Variants in GPR27 observed in about 807,000 individuals in gnomAD.
The protein encoded by GPR27 is G protein-coupled receptor 27.
Under a neutral mutation model 2.4 loss-of-function variants are expected in GPR27, and 3 were observed. The ratio of observed to expected loss-of-function variants is 1.23; its 90% CI spans 0.56 to 3.18. The LOEUF (loss-of-function observed/expected upper bound fraction) is 3.18. Among genes scored for constraint, GPR27 ranks in the 30% most tolerant of loss-of-function variants. GPR27 has a pLI of 0.03. For missense variants in GPR27, 526 were observed against 566.1 expected (o/e 0.93, Z 0.72); for synonymous variants, 367 against 296.4 (o/e 1.24, Z -2.45).
Position 71,754,666 on chromosome 3 carries a change from T to A in GPR27, c.617T>A (p.Phe206Tyr), listed in dbSNP as rs753034149. 2.7e-6 allele frequency: 4 copies of A among 1,501,134 alleles called. No homozygotes were observed. In the South Asian group the frequency reaches 4.8e-5, roughly 18 times the overall value. 93.0% of individuals were successfully genotyped at this position (1,501,134 alleles called of 1,614,324 possible). ...ATHLVYLRLL[F>Y]FIHDRRKMRP... is the part of the protein sequence containing the mutation. ...CACCTCGTCTACCTCCGCCTGCTCT[T>A]CTTCATCCACGACCGCCGCAAGATG... Residue 206 changes from phenylalanine to tyrosine, a missense_variant, in exon 1 of 1, where the codon TTC becomes TAC. This residue lies in a region of GPR27 where 312 missense variants were observed against 318.4 expected (regional missense o/e 0.98). Coordinates refer to ENST00000304411, the MANE Select transcript of GPR27 (RefSeq NM_018971.3). This position sits in a 1 kb window ranked among gnomAD's most constrained non-coding sequence, Gnocchi z 5.8.
At position 71,755,170 on chromosome 3, in the gene GPR27, G is replaced by C. The variant is rs1179455822; in HGVS notation, c.1121G>C (p.Gly374Ala). Residue 374 changes from glycine to alanine, a missense_variant, in exon 1 of 1, where the codon GGT becomes GCT. Gly to Ala is a moderately conservative substitution (Grantham distance 60). This residue lies in a region of GPR27 where 116 missense variants were observed against 100.9 expected (regional missense o/e 1.15). Transcript: ENST00000304411. ...CATCCCTGCGACCTGAAAGGCATTG[G>C]TTTATGAGGGAGGCCCCGCCACATA... ...ATHPCDLKGI[G>A]L is the part of the protein sequence containing the mutation. 6.3e-7 allele frequency: 1 copy of C among 1,598,456 alleles called. No individual in the cohort carries two copies. Among genetic ancestry groups the C allele is most frequent in the Non-Finnish European group, 8.5e-7 (1 of 1,175,312 alleles).
At position 71,754,321 on chromosome 3, in the gene GPR27, G is replaced by A. The variant is rs1338102230; in HGVS notation, c.272G>A (p.Gly91Asp). 2.6e-6 allele frequency: 3 copies of A among 1,175,842 alleles called. No individual in the cohort carries two copies. Among genetic ancestry groups the A allele is most frequent in the Non-Finnish European group, 3.2e-6 (3 of 951,818 alleles). The allele number at this position is 1,175,842 out of a possible 1,614,324, so 72.8% of individuals were successfully genotyped here. The change falls in exon 1 of 1, where the codon GGC becomes GAC. Residue 91 changes from glycine to aspartate, a missense_variant. This residue lies in a region of GPR27 where 312 missense variants were observed against 318.4 expected (regional missense o/e 0.98). Transcript: ENST00000304411. This position sits in a 1 kb window ranked among gnomAD's most constrained non-coding sequence, Gnocchi z 5.8. ...RAAAAAGAPP[G>D]ALGCKLLAFL... ...GCGGCCGCGGCGGGGGCGCCGCCGG[G>A]CGCGCTGGGCTGCAAGCTGCTCGCC...
chr3:71,755,419 C>T lies in GPR27; in HGVS notation c.*242C>T, dbSNP rs990724599. On this transcript the variant is annotated 3_prime_UTR_variant, in exon 1 of 1. Transcript: ENST00000304411. ...ACTCGACTTTCTTCCTGACAATAGG[C>T]CCTGCAGTCTTTTTGTAGCGGTACT... 42 of 533,656 alleles carry T rather than the reference C, an allele frequency of 7.9e-5. No individual in the cohort carries two copies. Among genetic ancestry groups the T allele is most frequent in the South Asian group, 7.6e-4 (27 of 35,528 alleles). The allele number at this position is 533,656 out of a possible 1,614,324, so 33.1% of individuals were successfully genotyped here.
Position 71,754,533 on chromosome 3 carries a change from G to T in GPR27, c.484G>T (p.Gly162Cys). ...CGCGGCCTTCCCGCCAGTGCTGGACGGCGGTGGCGACGACGAGGACGCGCC... is the reference window on the plus strand; with the variant it reads ...CGCGGCCTTCCCGCCAGTGCTGGACTGCGGTGGCGACGACGAGGACGCGCC... ...LAAAFPPVLD[G>C]GGDDEDAPCA... Residue 162 changes from glycine to cysteine, a missense_variant, in exon 1 of 1, where the codon GGC becomes TGC. This residue lies in a region of GPR27 where 312 missense variants were observed against 318.4 expected (regional missense o/e 0.98). Transcript: ENST00000304411. This position sits in a 1 kb window ranked among gnomAD's most constrained non-coding sequence, Gnocchi z 5.8. The T allele has an allele frequency of 7.4e-7, 1 of 1,343,118 alleles. No homozygotes were observed. The highest frequency in any genetic ancestry group is 9.6e-7 in the Non-Finnish European group (1 of 1,046,544). 83.2% of individuals were successfully genotyped at this position (1,343,118 alleles called of 1,614,324 possible). A position where few individuals can be genotyped will look rare whatever the true frequency, so the allele number is the denominator to read the frequency against.
At position 71,754,023 on chromosome 3, in the gene GPR27, C is replaced by T. The variant is rs3732739; in HGVS notation, c.-27C>T. 1.1e-5 allele frequency: 12 copies of T among 1,139,654 alleles called. No individual in the cohort carries two copies. Among genetic ancestry groups the T allele is most frequent in the Non-Finnish European group, 1.3e-5 (12 of 928,780 alleles). 70.6% of individuals were successfully genotyped at this position (1,139,654 alleles called of 1,614,324 possible). On this transcript the variant is annotated 5_prime_UTR_variant, in exon 1 of 1. Transcript: ENST00000304411. This position sits in a 1 kb window ranked among gnomAD's most constrained non-coding sequence, Gnocchi z 5.8. ...GGCGAGGCAGGGGACGGCCCCGGGG[C>T]GGAGCGCACGGCCTGGTGAGGCCGC...
rs748803402 is a variant in GPR27 at position 71,755,137 on chromosome 3, A to C, written c.1088A>C (p.Gln363Pro). The change falls in exon 1 of 1, where the codon CAG becomes CCG. Residue 363 changes from glutamine to proline, a missense_variant. Physicochemically the swap from Gln to Pro is moderately conservative, Grantham distance 76. Around this residue, in one of 3 missense-constraint regions of GPR27, gnomAD observed 116 missense variants for 100.9 expected, o/e 1.15. Transcript: ENST00000304411. Reference protein sequence around the residue: ...FPCCQSPRTTQATHPCDLKGI... With the variant: ...FPCCQSPRTTPATHPCDLKGI... The stretch of plus-strand genomic sequence containing the variant: ...TGCTGCCAGAGCCCCCGGACCACCC[A>C]GGCGACCCATCCCTGCGACCTGAAA... 6.2e-7 allele frequency: 1 copy of C among 1,608,506 alleles called. No individual in the cohort carries two copies. The highest frequency in any genetic ancestry group is 1.1e-5 in the South Asian group (1 of 90,890).
Position 71,755,033 on chromosome 3 carries a change from C to T in GPR27, c.984C>T (p.Phe328=), listed in dbSNP as rs1441087798. ...AYLTASVWLT[F]AQAGINPVVC... is the part of the protein sequence containing the mutation. ...TGACGGCCTCCGTGTGGCTGACCTT[C>T]GCGCAGGCCGGCATCAACCCCGTCG... The change falls in exon 1 of 1, where the codon TTC becomes TTT. Residue 328 remains phenylalanine (F), a synonymous_variant. Coordinates refer to ENST00000304411, the MANE Select transcript of GPR27 (RefSeq NM_018971.3). 3 of 1,612,756 alleles carry T rather than the reference C, an allele frequency of 1.9e-6. No homozygotes were observed. The East Asian group carries it at 6.7e-5, about 36-fold the overall frequency.
At position 71,755,092 on chromosome 3, in the gene GPR27, G is replaced by T; in HGVS notation, c.1043G>T (p.Cys348Phe). The T allele has an allele frequency of 6.2e-7, 1 of 1,610,684 alleles. No individual in the cohort carries two copies. The change falls in exon 1 of 1, where the codon TGC (cysteine) becomes TTC (phenylalanine). Residue 348 changes from cysteine to phenylalanine, a missense_variant. Around this residue, in one of 3 missense-constraint regions of GPR27, gnomAD observed 116 missense variants for 100.9 expected, o/e 1.15. Coordinates refer to ENST00000304411, the MANE Select transcript of GPR27 (RefSeq NM_018971.3). ...CTCTTCAACAGGGAGCTGAGGGACT[G>T]CTTCAGGGCCCAGTTCCCCTGCTGC... ...CFLFNRELRD[C>F]FRAQFPCCQS...
Position 71,755,444 on chromosome 3 carries a change from T to C in GPR27, c.*267T>C. The stretch of plus-strand genomic sequence containing the variant: ...CCCTGCAGTCTTTTTGTAGCGGTAC[T>C]GACGTCTTTTATTCCATGTGTGGTT... On this transcript the variant is annotated 3_prime_UTR_variant, in exon 1 of 1. Transcript: ENST00000304411. The C allele has an allele frequency of 2.1e-6, 1 of 466,452 alleles. No individual in the cohort carries two copies. The highest frequency in any genetic ancestry group is 3.4e-5 in the East Asian group (1 of 29,404). 28.9% of individuals were successfully genotyped at this position (466,452 alleles called of 1,614,324 possible). A position where few individuals can be genotyped will look rare whatever the true frequency, so the allele number is the denominator to read the frequency against.
rs777876829 is a variant in GPR27 at position 71,754,476 on chromosome 3, C to T, written c.427C>T (p.Leu143=). 3.8e-6 allele frequency: 5 copies of T among 1,309,286 alleles called. No homozygotes were observed. Among genetic ancestry groups the T allele is most frequent in the Non-Finnish European group, 4.9e-6 (5 of 1,027,100 alleles). The allele number at this position is 1,309,286 out of a possible 1,614,324, so 81.1% of individuals were successfully genotyped here. A position where few individuals can be genotyped will look rare whatever the true frequency, so the allele number is the denominator to read the frequency against. Reference sequence around the variant, plus strand: ...GGCCGGCTGGCCGTGCGCCGCCATGCTGGTGTGCGCCGCCTGGGCGCTGGC... The same window carrying T: ...GGCCGGCTGGCCGTGCGCCGCCATGTTGGTGTGCGCCGCCTGGGCGCTGGC... The part of the protein sequence containing the change: ...RLAGWPCAAM[L]VCAAWALALA... Residue 143 remains leucine (L), a synonymous_variant, in exon 1 of 1, where the codon CTG becomes TTG. Transcript: ENST00000304411. This position sits in a 1 kb window ranked among gnomAD's most constrained non-coding sequence, Gnocchi z 5.8.
At position 71,755,293 on chromosome 3, in the gene GPR27, C is replaced by T. The variant is rs1206178026; in HGVS notation, c.*116C>T. 3 of 868,288 alleles carry T rather than the reference C, an allele frequency of 3.5e-6. No homozygotes were observed. Among genetic ancestry groups the T allele is most frequent in the African/African-American group, 1.7e-5 (1 of 59,170 alleles). 53.8% of individuals were successfully genotyped at this position (868,288 alleles called of 1,614,324 possible). ...TTTCTAAGCTGCCTTCAAAATGACT[C>T]GAAGTGGACAGACACTTGGATTGTA... On this transcript the variant is annotated 3_prime_UTR_variant, in exon 1 of 1. Transcript: ENST00000304411.
chr3:71,754,887 A>T lies in GPR27; in HGVS notation c.838A>T (p.Lys280Ter). ...CGTGCTGGAAGAATTCAAGACGGAG[A>T]AGAGGCTGTGCAAGATGTTCTACGC... is the stretch of plus-strand genomic sequence containing the variant. ...LLVLEEFKTE[K>*]RLCKMFYAVT... Residue 280 changes from lysine (K) to a stop codon, truncating the protein, a stop_gained, in exon 1 of 1, where the codon AAG (lysine) becomes TAG (stop). Coordinates refer to ENST00000304411, the MANE Select transcript of GPR27 (RefSeq NM_018971.3). LOFTEE classifies it high-confidence loss of function. This position sits in a 1 kb window ranked among gnomAD's most constrained non-coding sequence, Gnocchi z 5.8. The T allele has an allele frequency of 6.2e-7, 1 of 1,609,994 alleles. No individual in the cohort carries two copies. The highest frequency in any genetic ancestry group is 8.5e-7 in the Non-Finnish European group (1 of 1,178,076).
Position 71,754,542 on chromosome 3 carries a change from G to A in GPR27, c.493G>A (p.Asp165Asn). Residue 165 changes from aspartate (D) to asparagine (N), a missense_variant, in exon 1 of 1, where the codon GAC (aspartate) becomes AAC (asparagine). By Grantham distance (23) the Asp-to-Asn change is conservative. Transcript: ENST00000304411. The surrounding 1 kb of genome is among the most constrained non-coding windows in gnomAD (Gnocchi z 5.8). ...CCCGCCAGTGCTGGACGGCGGTGGC[G>A]ACGACGAGGACGCGCCGTGCGCCCT... is the stretch of plus-strand genomic sequence containing the variant. ...AFPPVLDGGG[D>N]DEDAPCALEQ... The A allele has an allele frequency of 7.4e-7, 1 of 1,347,670 alleles. No homozygotes were observed. The highest frequency in any genetic ancestry group is 9.5e-7 in the Non-Finnish European group (1 of 1,048,998). 83.5% of individuals were successfully genotyped at this position (1,347,670 alleles called of 1,614,324 possible). A position where few individuals can be genotyped will look rare whatever the true frequency, so the allele number is the denominator to read the frequency against.
At position 71,754,453 on chromosome 3, in the gene GPR27, C is replaced by G; in HGVS notation, c.404C>G (p.Ala135Gly). 1 of 1,336,996 alleles carries G rather than the reference C, an allele frequency of 7.5e-7. No homozygotes were observed. Among genetic ancestry groups the G allele is most frequent in the Non-Finnish European group, 9.6e-7 (1 of 1,038,216 alleles). The allele number at this position is 1,336,996 out of a possible 1,614,324, so 82.8% of individuals were successfully genotyped here. ...CACCGCTTCTATGCAGAGCGCCTGG[C>G]CGGCTGGCCGTGCGCCGCCATGCTG... ...AHHRFYAERLAGWPCAAMLVC... is the reference protein window; with the variant it reads ...AHHRFYAERLGGWPCAAMLVC... Residue 135 changes from alanine (A) to glycine (G), a missense_variant, in exon 1 of 1, where the codon GCC becomes GGC. Physicochemically the swap from Ala to Gly is moderately conservative, Grantham distance 60. Transcript: ENST00000304411. This position sits in a 1 kb window ranked among gnomAD's most constrained non-coding sequence, Gnocchi z 5.8.
rs1050918991 is a variant in GPR27 at position 71,754,350 on chromosome 3, C to G, written c.301C>G (p.Leu101Val). The G allele has an allele frequency of 1.5e-6, 2 of 1,307,284 alleles. No homozygotes were observed. Among genetic ancestry groups the G allele is most frequent in the Non-Finnish European group, 2.0e-6 (2 of 1,018,282 alleles). 81.0% of individuals were successfully genotyped at this position (1,307,284 alleles called of 1,614,324 possible). The change falls in exon 1 of 1, where the codon CTG (leucine) becomes GTG (valine). Residue 101 changes from leucine (L) to valine (V), a missense_variant. Leu to Val is a conservative substitution (Grantham distance 32). This residue lies in a region of GPR27 where 312 missense variants were observed against 318.4 expected (regional missense o/e 0.98). Transcript: ENST00000304411. The surrounding 1 kb of genome is among the most constrained non-coding windows in gnomAD (Gnocchi z 5.8). ...GALGCKLLAF[L>V]AALFCFHAAF... ...GCTGGGCTGCAAGCTGCTCGCCTTC[C>G]TGGCCGCGCTCTTCTGCTTCCACGC...
chr3:71,755,100 G>A lies in GPR27; in HGVS notation c.1051G>A (p.Ala351Thr). ...CAGGGAGCTGAGGGACTGCTTCAGG[G>A]CCCAGTTCCCCTGCTGCCAGAGCCC... ...FNRELRDCFR[A>T]QFPCCQSPRT... The change falls in exon 1 of 1, where the codon GCC (alanine) becomes ACC (threonine). Residue 351 changes from alanine (A) to threonine (T), a missense_variant. By Grantham distance (58) the Ala-to-Thr change is moderately conservative. This residue lies in a region of GPR27 where 116 missense variants were observed against 100.9 expected (regional missense o/e 1.15). Coordinates refer to ENST00000304411, the MANE Select transcript of GPR27 (RefSeq NM_018971.3). The A allele has an allele frequency of 6.2e-7, 1 of 1,610,414 alleles. No individual in the cohort carries two copies.
In GPR27 at chr3:71,754,300, C is replaced by A; in HGVS notation, c.251C>A (p.Ala84Asp). Residue 84 changes from alanine (A) to aspartate (D), a missense_variant, in exon 1 of 1, where the codon GCC becomes GAC. Transcript: ENST00000304411. The surrounding 1 kb of genome is among the most constrained non-coding windows in gnomAD (Gnocchi z 5.8). Reference sequence around the variant, plus strand: ...ATGCTGGCGGCGCGGCGTGCGGCGGCCGCGGCGGGGGCGCCGCCGGGCGCG... The same window carrying A: ...ATGCTGGCGGCGCGGCGTGCGGCGGACGCGGCGGGGGCGCCGCCGGGCGCG... ...AVMLAARRAA[A>D]AAGAPPGALG... is the part of the protein sequence containing the mutation. The A allele has an allele frequency of 8.7e-7, 1 of 1,151,228 alleles. No homozygotes were observed. Among genetic ancestry groups the A allele is most frequent in the Non-Finnish European group, 1.1e-6 (1 of 938,344 alleles). The allele number at this position is 1,151,228 out of a possible 1,614,324, so 71.3% of individuals were successfully genotyped here.
Position 71,755,365 on chromosome 3 carries a change from C to T in GPR27, c.*188C>T. On this transcript the variant is annotated 3_prime_UTR_variant, in exon 1 of 1. Transcript: ENST00000304411. The stretch of plus-strand genomic sequence containing the variant: ...TGGGTGAGGAGTAGGATGCTCAGCC[C>T]ACTCCAGCTCCGCACATTCGTCCTC... The T allele has an allele frequency of 3.4e-6, 2 of 590,146 alleles. No homozygotes were observed. Among genetic ancestry groups the T allele is most frequent in the East Asian group, 2.8e-5 (1 of 35,686 alleles). 36.6% of individuals were successfully genotyped at this position (590,146 alleles called of 1,614,324 possible).
chr3:71,754,871 A>G lies in GPR27; in HGVS notation c.822A>G (p.Glu274=), dbSNP rs2108176083. Residue 274 remains glutamate, a synonymous_variant, in exon 1 of 1, where the codon GAA becomes GAG. Transcript: ENST00000304411. This position sits in a 1 kb window ranked among gnomAD's most constrained non-coding sequence, Gnocchi z 5.8. ...GCGCGCGCCGCCTCCTCGTGCTGGA[A>G]GAATTCAAGACGGAGAAGAGGCTGT... ...GRGARRLLVL[E]EFKTEKRLCK... The G allele has an allele frequency of 6.2e-7, 1 of 1,600,628 alleles. No individual in the cohort carries two copies. The highest frequency in any genetic ancestry group is 8.5e-7 in the Non-Finnish European group (1 of 1,173,014).
Sources: allele counts gnomAD v4.1 joint callset, GRCh38; gene constraint gnomAD v4.1.1; regional missense constraint gnomAD v4.1.1; non-coding constraint Gnocchi (gnomAD v3.1); transcripts MANE v1.5; gene names NCBI Gene and HGNC (gene_info 2026-07-23, HGNC 2026-07-21).